The following DCDC1 variants were observed in gnomAD, a reference collection of about 807,000 sequenced individuals.
DCDC1 encodes the protein doublecortin domain-containing protein 1.
In DCDC1, 200 loss-of-function variants were observed where a neutral mutation model predicts 178.3. That is an observed-to-expected ratio of 1.12 (90% CI 1.00 to 1.26). DCDC1 has a LOEUF of 1.26. Among genes scored for constraint, DCDC1 ranks in the 50% most tolerant of loss-of-function variants. The probability of loss-of-function intolerance (pLI) is 0.00; values close to 1 mark genes in which losing one functional copy is unlikely to be tolerated. For synonymous variants in DCDC1, 690 were observed against 604.8 expected, an observed-to-expected ratio of 1.14 and a Z score of -2.07; for missense variants, 1,983 against 1,749.2, an observed-to-expected ratio of 1.13 and a Z score of -2.38.
intron 11 of DCDC1, among the ~76,000 whole-genome samples, chr11:31,122,927 A>G (rs551448431): frequency 6.6e-6 from 1 of 152,266 alleles, no homozygotes; most frequent in East Asian, 1.9e-4. Flanking sequence ...TAGACCACAG[A>G]TCAACAAACT....
chr11:30,881,459 A>G (rs746719608), intron 36 of DCDC1, among the ~76,000 whole-genome samples, 151 bp from the exon 37 acceptor site: 2 of 152,206 alleles, frequency 1.3e-5, no homozygotes, highest in Non-Finnish European at 2.9e-5. Context: ...AGATGGGAAG[A>G]AGGGCATGCA....
At chr11:31,254,187 A>C (rs1367019191) in intron 8 of DCDC1, among the ~76,000 whole-genome samples, 1 of 152,160 alleles carries the variant, frequency 6.6e-6, no homozygotes, top group Non-Finnish European at 1.5e-5. Context: ...ATTCCAAGTG[A>C]GCAGAAAATA....
intron 20 of DCDC1, among the ~76,000 whole-genome samples, chr11:30,970,760 C>A (rs903948197): frequency 6.6e-6 from 1 of 152,120 alleles, no homozygotes; most frequent in Admixed American, 6.5e-5. Context: ...AGCCACTGAT[C>A]CTTCCCCCAA....
intron 1 of DCDC1, among the ~76,000 whole-genome samples, chr11:31,346,127 G>GT (rs554848306): frequency 3.3e-5 from 5 of 152,052 alleles, no homozygotes; most frequent in Non-Finnish European, 7.4e-5. Flanking sequence ...AACTTCTAGG[G>GT]TTTTTTCTCA....
intron 7 of DCDC1, chr11:31,280,989 T>C: frequency 3.3e-6 from 2 of 607,996 alleles, no homozygotes; most frequent in Non-Finnish European, 6.3e-6. Flanking sequence ...ATCACCCATA[T>C]TTAATTCCCT....
chr11:31,138,093 CT>C (rs1044305066), intron 9 of DCDC1, among the ~76,000 whole-genome samples: 1 of 101,102 alleles, frequency 9.9e-6, no homozygotes, highest in East Asian at 1.3e-3. Context: ...GACACAGCAA[CT>C]TTTTAAAAAA....
intron 12 of DCDC1, among the ~76,000 whole-genome samples, chr11:31,108,453 C>T (rs1172195706): frequency 6.6e-6 from 1 of 152,128 alleles, no homozygotes; most frequent in Non-Finnish European, 1.5e-5. Flanking sequence ...AGCTCTTGAG[C>T]TTATTTTTGT....
intron 9 of DCDC1, among the ~76,000 whole-genome samples, chr11:31,154,201 A>G (rs1264954029): frequency 6.6e-6 from 1 of 152,186 alleles, no homozygotes; most frequent in African/African-American, 2.4e-5. Flanking sequence ...CTCCCTGGCC[A>G]TGCTTCTTCT....
intron 20 of DCDC1, among the ~76,000 whole-genome samples, chr11:30,968,269 T>C (rs959513440): frequency 1.3e-5 from 2 of 152,088 alleles, no homozygotes; most frequent in African/African-American, 4.8e-5. Context: ...AGAGAGGACA[T>C]GGGAATTTGG....
At chr11:31,324,188 G>A (rs1591760850) in intron 3 of DCDC1, among the ~76,000 whole-genome samples, 1 of 151,896 alleles carries the variant, frequency 6.6e-6, no homozygotes, top group East Asian at 1.9e-4. Context: ...TTCAATAAGT[G>A]TTTGTTAAGT....
In DCDC1 at chr11:31,116,048, C is replaced by CCA. The variant is rs376547209; in HGVS notation, c.1486-5689_1486-5688dup. Among the ~76,000 whole-genome samples the CCA allele has an allele frequency of 2.9e-4, 44 of 149,524 alleles. No individual in the cohort carries two copies. In the East Asian group the frequency reaches 8.3e-3, roughly 28 times the overall value. ...TGGGCAGTGTGGCACAGCATCCACT[C>CCA]CACACACACATGATAGGTCAGAGTG... On this transcript the variant is annotated intron_variant, in intron 11 of 38. Coordinates refer to ENST00000684477, the MANE Select transcript of DCDC1 (RefSeq NM_001387274.1).
At chr11:31,217,381 A>G (rs985078848) in intron 9 of DCDC1, among the ~76,000 whole-genome samples, 2 of 152,194 alleles carry the variant, frequency 1.3e-5, no homozygotes, top group Non-Finnish European at 1.5e-5. Context: ...AGATACTCTG[A>G]TCTGGAGGAC....
intron 9 of DCDC1, among the ~76,000 whole-genome samples, chr11:31,174,136 C>T (rs895951579): frequency 4.7e-4 from 72 of 151,878 alleles, no homozygotes; most frequent in Admixed American, 4.5e-3. Context: ...AGAAAGGAGC[C>T]CCACCCTCCC....
chr11:31,003,196 GAAT>G (rs1307620323), intron 20 of DCDC1, among the ~76,000 whole-genome samples: 1 of 151,606 alleles, frequency 6.6e-6, no homozygotes, highest in Non-Finnish European at 1.5e-5. Flanking sequence ...AAAGTTAATT[GAAT>G]AATAAAAATC....
intron 6 of DCDC1, among the ~76,000 whole-genome samples, chr11:31,295,454 C>A (rs1947621461): frequency 1.3e-5 from 2 of 152,096 alleles, no homozygotes; most frequent in Admixed American, 1.3e-4. Context: ...CATTGCACAG[C>A]TGCACCCTTC....
intron 7 of DCDC1, among the ~76,000 whole-genome samples, chr11:31,287,569 T>A (rs1245295399): frequency 6.6e-6 from 1 of 151,996 alleles, no homozygotes; most frequent in East Asian, 1.9e-4. Flanking sequence ...AATGTTTTCA[T>A]CCTTTGTGTC....
At chr11:31,199,902 T>C (rs150694882) in intron 9 of DCDC1, among the ~76,000 whole-genome samples, 1 of 152,124 alleles carries the variant, frequency 6.6e-6, no homozygotes, top group Non-Finnish European at 1.5e-5. Context: ...GAGGAATACA[T>C]GTTTTTGAAA....
intron 8 of DCDC1, among the ~76,000 whole-genome samples, chr11:31,263,984 T>C (rs1944971444): frequency 6.6e-6 from 1 of 152,236 alleles, no homozygotes; most frequent in African/African-American, 2.4e-5. Flanking sequence ...GATGGATATC[T>C]AATCTCTTTT....
chr11:31,346,458 C>T (rs537546283), intron 1 of DCDC1, among the ~76,000 whole-genome samples: 51 of 110,424 alleles, frequency 4.6e-4, no homozygotes, highest in Middle Eastern at 6.4e-3. Flanking sequence ...AAGGAGACTC[C>T]GTCTCAAAAA....
Sources: allele counts gnomAD v4.1 joint callset (sites outside exome capture counted in the v4.1 genomes callset), GRCh38; gene constraint gnomAD v4.1.1; transcripts MANE v1.5; gene names NCBI Gene and HGNC (gene_info 2026-07-23, HGNC 2026-07-21).